CMC2: variants seen among roughly 807,000 people sequenced by gnomAD.
CMC2 encodes C-X9-C motif containing 2, also known as COX assembly mitochondrial protein 2 homolog.
A neutral mutation model predicts 7.5 loss-of-function variants in CMC2; 5 were observed. The observed-to-expected ratio is 0.66, with a 90% CI of 0.35 to 1.40. CMC2 has a LOEUF of 1.40. Among genes scored for constraint, CMC2 ranks in the 40% most tolerant of loss-of-function variants. CMC2 has a pLI of 0.04. For synonymous variants in CMC2, 37 were observed against 31.4 expected (o/e 1.18, Z -0.60); for missense variants, 115 against 92.3 (o/e 1.25, Z -1.01).
rs1184158800 is a variant in CMC2, at chr16:80,993,824, G to A, written c.81+3490C>T. 3.3e-5 allele frequency among the ~76,000 whole-genome samples: 5 copies of A among 152,174 alleles called. No individual in the cohort carries two copies. The East Asian group carries it at 9.6e-4, about 29-fold the overall frequency. Reference sequence around the variant, plus strand: ...CAAAAAACAAAAAACCAGTAAACAAGTTTTTTGTAGAAAATGACAAGCTGA... The same window carrying A: ...CAAAAAACAAAAAACCAGTAAACAAATTTTTTGTAGAAAATGACAAGCTGA... On this transcript the variant is annotated intron_variant, in intron 2 of 3. Coordinates refer to ENST00000219400, the MANE Select transcript of CMC2 (RefSeq NM_020188.5).
At chr16:80,992,721 T>TTTG (rs1485859033) in intron 2 of CMC2, among the ~76,000 whole-genome samples, 6 of 138,774 alleles carry the variant, frequency 4.3e-5, no homozygotes, top group South Asian at 2.3e-4. Flanking sequence ...TTTTTTTTTT[T>TTTG]TGTGTAAAGA....
intron 3 of CMC2, among the ~76,000 whole-genome samples, chr16:80,979,011 G>A (rs1012943287): frequency 6.6e-6 from 1 of 152,078 alleles, no homozygotes; most frequent in African/African-American, 2.4e-5. Context: ...AACCCGGGAG[G>A]AGGAGCTTGC....
chr16:80,986,108 G>C (rs931060556), intron 2 of CMC2, among the ~76,000 whole-genome samples: 1 of 152,172 alleles, frequency 6.6e-6, no homozygotes, highest in Non-Finnish European at 1.5e-5. Flanking sequence ...AGCACTTTGG[G>C]AGGCCCAGGC....
intron 3 of CMC2, chr16:80,980,822 G>A (rs906790235): frequency 2.9e-6 from 2 of 700,054 alleles, no homozygotes; most frequent in Non-Finnish European, 2.6e-6. Context: ...TTGAGTTTGA[G>A]GCTTCCGTGA....
Position 80,971,498 on chromosome 16 carries a change from C to T in CMC2, c.*4595G>A, listed in dbSNP as rs541821624. 5.6e-5 allele frequency: 8 copies of T among 141,788 alleles called. No individual in the cohort carries two copies. Among genetic ancestry groups the T allele is most frequent in the Non-Finnish European group, 1.1e-4 (7 of 66,450 alleles). 8.8% of individuals were successfully genotyped at this position (141,788 alleles called of 1,614,324 possible). On this transcript the variant is annotated 3_prime_UTR_variant, in exon 4 of 4. Transcript: ENST00000219400. ...ACCAAAGGCTACACACATCATGACGCCTCCTAAGTAAAATGACTAAACATG... is the reference window on the plus strand; with the variant it reads ...ACCAAAGGCTACACACATCATGACGTCTCCTAAGTAAAATGACTAAACATG...
intron 2 of CMC2, among the ~76,000 whole-genome samples, chr16:80,989,635 C>CG (rs1967816622): frequency 6.6e-6 from 1 of 152,074 alleles, no homozygotes; most frequent in Non-Finnish European, 1.5e-5. Flanking sequence ...CTGGGCGTTA[C>CG]GTATGCTCAT....
At position 80,972,222 on chromosome 16, in the gene CMC2, T is replaced by C. The variant is rs764329340; in HGVS notation, c.*3871A>G. On this transcript the variant is annotated 3_prime_UTR_variant, in exon 4 of 4. Coordinates refer to ENST00000219400, the MANE Select transcript of CMC2 (RefSeq NM_020188.5). Reference sequence around the variant, plus strand: ...GTGACCTCTCTAGAGGAGGCAGGGATGTCTATGGATTAAGGTAGATTCTGG... The same window carrying C: ...GTGACCTCTCTAGAGGAGGCAGGGACGTCTATGGATTAAGGTAGATTCTGG... 1.3e-5 allele frequency: 2 copies of C among 152,350 alleles called. No homozygotes were observed. Among genetic ancestry groups the C allele is most frequent in the Admixed American group, 6.5e-5 (1 of 15,302 alleles). The allele number at this position is 152,350 out of a possible 1,614,324, so 9.4% of individuals were successfully genotyped here.
chr16:80,976,833 T>C (rs1476264593), intron 3 of CMC2, among the ~76,000 whole-genome samples: 2 of 152,222 alleles, frequency 1.3e-5, no homozygotes, highest in South Asian at 2.1e-4. Context: ...TTACTACCTT[T>C]TGCGCTGAAC....
intron 2 of CMC2, chr16:80,991,882 ACAAAGAAAATGT>A: frequency 2.2e-6 from 1 of 452,612 alleles, no homozygotes; most frequent in Non-Finnish European, 4.4e-6. Context: ...GTCATCAAAA[ACAAAGAAAATGT>A]CACAGATAAC....
rs762352057 is a variant in CMC2 at position 80,997,350 on chromosome 16, G to A, written c.45C>T (p.Asn15=). ...ATTCCTTAAGCAAGTTAATCAAGAC[G>A]TTGCATTCTTCAGTGTGCAAGTGTG... is the stretch of plus-strand genomic sequence containing the variant. ...LSPHLHTEEC[N]VLINLLKECH... is the part of the protein sequence containing the mutation. Residue 15 remains asparagine (N), a synonymous_variant, in exon 2 of 4, where the codon AAC becomes AAT. Transcript: ENST00000219400. 6.3e-6 allele frequency: 10 copies of A among 1,581,472 alleles called. No individual in the cohort carries two copies. The highest frequency in any genetic ancestry group is 2.3e-5 in the East Asian group (1 of 42,848).
Position 80,997,408 on chromosome 16 carries a change from G to T in CMC2, c.-14C>A, listed in dbSNP as rs780201804. ...GTCAGGATGCATCTTTAGGAGATGA[G>T]GATGGATCACAGCAGTGCAACCTGT... On this transcript the variant is annotated 5_prime_UTR_variant, in exon 2 of 4. Coordinates refer to ENST00000219400, the MANE Select transcript of CMC2 (RefSeq NM_020188.5). 6.2e-5 allele frequency: 100 copies of T among 1,603,326 alleles called. No individual in the cohort carries two copies. The highest frequency in any genetic ancestry group is 8.4e-5 in the Non-Finnish European group (98 of 1,170,834).
intron 2 of CMC2, among the ~76,000 whole-genome samples, chr16:80,984,471 T>C (rs1426274370): frequency 6.6e-6 from 1 of 152,240 alleles, no homozygotes; most frequent in Non-Finnish European, 1.5e-5. Context: ...GAATAAGTGG[T>C]CAGTTTTTCC....
chr16:80,989,454 C>G (rs893426182), intron 2 of CMC2, among the ~76,000 whole-genome samples: 7 of 152,282 alleles, frequency 4.6e-5, no homozygotes, highest in South Asian at 2.1e-4. Context: ...TCCCTTCAAG[C>G]TAGCCCCTGT....
In CMC2 at chr16:80,968,829, C is replaced by T. The variant is rs554059999; in HGVS notation, c.*7264G>A. 1.3e-5 allele frequency: 2 copies of T among 152,178 alleles called. No homozygotes were observed. Among genetic ancestry groups the T allele is most frequent in the Non-Finnish European group, 2.9e-5 (2 of 68,042 alleles). The allele number at this position is 152,178 out of a possible 1,614,324, so 9.4% of individuals were successfully genotyped here. ...AGTGCATCAGCACATGCTATGCAGC[C>T]TAGACCAGTTCCAGGTACCAGGAAG... is the stretch of plus-strand genomic sequence containing the variant. On this transcript the variant is annotated 3_prime_UTR_variant, in exon 4 of 4. Coordinates refer to ENST00000219400, the MANE Select transcript of CMC2 (RefSeq NM_020188.5).
At chr16:80,998,462 G>C (rs1283493542) in intron 1 of CMC2, 1 of 152,068 alleles carries the variant, frequency 6.6e-6, no homozygotes, top group Non-Finnish European at 1.5e-5. Flanking sequence ...GTGGAAACTG[G>C]TATAGCAGTT....
At chr16:81,000,196 C>T (rs774283653) in intron 1 of CMC2, among the ~76,000 whole-genome samples, 2 of 151,998 alleles carry the variant, frequency 1.3e-5, no homozygotes, top group Admixed American at 6.6e-5. Context: ...ATAAATAATC[C>T]CATTAAAAAG....
At chr16:80,995,979 C>T (rs758299645) in intron 2 of CMC2, among the ~76,000 whole-genome samples, 18 of 151,694 alleles carry the variant, frequency 1.2e-4, no homozygotes, top group Non-Finnish European at 2.2e-4. Context: ...CAAGAAGCCA[C>T]CTTTATTATA....
rs964770336 is a variant in CMC2, at chr16:80,967,616, G to A, written c.*8477C>T. 5.3e-5 allele frequency: 8 copies of A among 152,338 alleles called. No individual in the cohort carries two copies. Among genetic ancestry groups the A allele is most frequent in the African/African-American group, 1.9e-4 (8 of 41,474 alleles). The allele number at this position is 152,338 out of a possible 1,614,324, so 9.4% of individuals were successfully genotyped here. On this transcript the variant is annotated 3_prime_UTR_variant, in exon 4 of 4. Coordinates refer to ENST00000219400, the MANE Select transcript of CMC2 (RefSeq NM_020188.5). Reference sequence around the variant, plus strand: ...GGCCTCCCAAAGTGCTGGGTTTACAGGCGTGAGCCACCTCGCCCAGCCTTC... The same window carrying A: ...GGCCTCCCAAAGTGCTGGGTTTACAAGCGTGAGCCACCTCGCCCAGCCTTC...
At chr16:81,002,574 T>C (rs559100532) in intron 1 of CMC2, among the ~76,000 whole-genome samples, 1 of 152,312 alleles carries the variant, frequency 6.6e-6, no homozygotes, top group South Asian at 2.1e-4. Flanking sequence ...AAGCTTATGA[T>C]GTACTGAAAT....
Sources: gnomAD v4.1 joint callset for allele counts (sites outside exome capture counted in the v4.1 genomes callset) on GRCh38, gnomAD v4.1.1 for gene constraint, MANE v1.5 for transcripts, NCBI Gene and HGNC (gene_info 2026-07-23, HGNC 2026-07-21) for gene names.